NAPEPLD: variants seen among roughly 807,000 people sequenced by gnomAD.
NAPEPLD encodes N-acyl phosphatidylethanolamine phospholipase D, also known as N-acyl-phosphatidylethanolamine-hydrolyzing phospholipase D.
In NAPEPLD, 23 loss-of-function variants were observed where a neutral mutation model predicts 38.1. That is an observed-to-expected ratio of 0.60 (90% CI 0.43 to 0.86). The LOEUF is 0.86. Ranked by LOEUF, NAPEPLD falls within the 40% of genes least tolerant of loss-of-function variation. The pLI is 0.00. For synonymous variants in NAPEPLD, 147 were observed against 162.0 expected, an observed-to-expected ratio of 0.91 and a Z score of 0.71; for missense variants, 411 against 476.8, an observed-to-expected ratio of 0.86 and a Z score of 1.28.
chr7:103,122,591 C>T (rs1202363225), intron 2 of NAPEPLD, among the ~76,000 whole-genome samples: 3 of 152,154 alleles, frequency 2.0e-5, no homozygotes, highest in African/African-American at 4.8e-5. Context: ...TTAGTTTCCT[C>T]ATCTGGAAAA....
upstream of NAPEPLD, chr7:103,149,354 G>T: frequency 8.7e-7 from 1 of 1,155,892 alleles, no homozygotes; most frequent in South Asian, 1.6e-5. Flanking sequence ...CGCGCAAAGC[G>T]CCGCCGCGTA....
intron 1 of NAPEPLD, among the ~76,000 whole-genome samples, chr7:103,143,683 T>C (rs1220879045): frequency 1.3e-5 from 2 of 152,194 alleles, no homozygotes; most frequent in Non-Finnish European, 2.9e-5. Flanking sequence ...GGGCCCACCA[T>C]ACCAAGCCTG....
intron 4 of NAPEPLD, among the ~76,000 whole-genome samples, chr7:103,112,619 G>C (rs541971486): frequency 6.6e-6 from 1 of 152,100 alleles, no homozygotes; most frequent in African/African-American, 2.4e-5. Context: ...GGGGGGCTAC[G>C]GGAGGGATAG....
intron 1 of NAPEPLD, chr7:103,141,854 G>A (rs997600273): frequency 3.0e-5 from 30 of 986,700 alleles, no homozygotes; most frequent in Non-Finnish European, 4.4e-5. Flanking sequence ...GATTTCATTG[G>A]TCTCATTGGG....
rs1802164095 is a variant in NAPEPLD at position 103,099,996 on chromosome 7, C to T, written c.*3433G>A. On this transcript the variant is annotated 3_prime_UTR_variant, in exon 5 of 5. Transcript: ENST00000465647. ...TATGCAAGCAGTATTTAAGGCAAAG[C>T]TTTAAGAATACTTTAAATTTCATTT... 1 of 152,128 alleles carries T rather than the reference C, an allele frequency of 6.6e-6. No individual in the cohort carries two copies. The highest frequency in any genetic ancestry group is 2.4e-5 in the African/African-American group (1 of 41,430). The allele number at this position is 152,128 out of a possible 1,614,324, so 9.4% of individuals were successfully genotyped here. A position where few individuals can be genotyped will look rare whatever the true frequency, so the allele number is the denominator to read the frequency against.
intron 4 of NAPEPLD, among the ~76,000 whole-genome samples, chr7:103,103,910 TACTA>T (rs1322030238): frequency 6.6e-6 from 1 of 152,236 alleles, no homozygotes; most frequent in African/African-American, 2.4e-5. Context: ...AATTACATGT[TACTA>T]ACATTTTTGA....
At chr7:103,108,375 T>G (rs997138180) in intron 4 of NAPEPLD, among the ~76,000 whole-genome samples, 1 of 152,128 alleles carries the variant, frequency 6.6e-6, no homozygotes, top group Non-Finnish European at 1.5e-5. Flanking sequence ...ACTCCTGACC[T>G]CATGATCTGC....
chr7:103,116,399 A>G (rs1349494768), intron 3 of NAPEPLD, among the ~76,000 whole-genome samples: 1 of 152,156 alleles, frequency 6.6e-6, no homozygotes, highest in Non-Finnish European at 1.5e-5. Context: ...CTGGGAAATA[A>G]GTCCTGCCTC....
chr7:103,105,362 A>T (rs1256863533), intron 4 of NAPEPLD, among the ~76,000 whole-genome samples: 2 of 152,232 alleles, frequency 1.3e-5, no homozygotes, highest in African/African-American at 4.8e-5. Context: ...TAAAGGGGTC[A>T]GTTTCATGAT....
chr7:103,141,248 T>G (rs1811270722), intron 1 of NAPEPLD: 1 of 262,234 alleles, frequency 3.8e-6, no homozygotes, highest in Non-Finnish European at 7.0e-6. Context: ...TTGTTTTTTT[T>G]TTTTTTTTTT....
intron 1 of NAPEPLD, among the ~76,000 whole-genome samples, chr7:103,133,127 A>G (rs1463610769): frequency 6.6e-6 from 1 of 152,160 alleles, no homozygotes; most frequent in African/African-American, 2.4e-5. Flanking sequence ...GATGGTTCAC[A>G]GGGTCTGTGT....
chr7:103,118,424 G>C (rs1442647020), intron 3 of NAPEPLD, among the ~76,000 whole-genome samples: 2 of 151,670 alleles, frequency 1.3e-5, no homozygotes, highest in Non-Finnish European at 2.9e-5. Context: ...CTCCAAATAA[G>C]GAAACTAGCA....
rs1346055764 is a variant in NAPEPLD at position 103,129,477 on chromosome 7, A to T, written c.-16-685T>A. Among the ~76,000 whole-genome samples the T allele has an allele frequency of 2.6e-5, 4 of 152,338 alleles. 1 individual carries two copies. In the South Asian group the frequency reaches 6.2e-4, roughly 24 times the overall value. ...TAGAAAACATTATTGTTAACAATGC[A>T]TAGTAAGGACTGCTTCAGTTCCTTG... On this transcript the variant is annotated intron_variant, in intron 1 of 4. Coordinates refer to ENST00000465647, the MANE Select transcript of NAPEPLD (RefSeq NM_001122838.3).
intron 1 of NAPEPLD, chr7:103,148,198 T>G: frequency 1.4e-6 from 1 of 707,702 alleles, no homozygotes; most frequent in East Asian, 1.3e-4. Flanking sequence ...AGGAATGACT[T>G]CCTGGACAAA....
chr7:103,135,154 G>C (rs1226462044), intron 1 of NAPEPLD, among the ~76,000 whole-genome samples: 1 of 152,154 alleles, frequency 6.6e-6, no homozygotes, highest in Non-Finnish European at 1.5e-5. Context: ...TAACAACAAA[G>C]ATGCTGATGT....
intron 1 of NAPEPLD, among the ~76,000 whole-genome samples, chr7:103,131,383 C>T (rs6955436): frequency 0.9 from 137,585 of 152,156 alleles, 63,775 homozygotes; most frequent in East Asian, 1. Context: ...AAGGGCCAGG[C>T]GCAGTGGCTC....
At chr7:103,119,036 C>A (rs1321039089) in intron 3 of NAPEPLD, among the ~76,000 whole-genome samples, 2 of 152,158 alleles carry the variant, frequency 1.3e-5, no homozygotes, top group African/African-American at 4.8e-5. Flanking sequence ...GATTGGGGCA[C>A]TCAAGTTATG....
rs1802378281 is a variant in NAPEPLD at position 103,101,395 on chromosome 7, A to G, written c.*2034T>C. 1 of 152,206 alleles carries G rather than the reference A, an allele frequency of 6.6e-6. No individual in the cohort carries two copies. Among genetic ancestry groups the G allele is most frequent in the African/African-American group, 2.4e-5 (1 of 41,446 alleles). The allele number at this position is 152,206 out of a possible 1,614,324, so 9.4% of individuals were successfully genotyped here. On this transcript the variant is annotated 3_prime_UTR_variant, in exon 5 of 5. Coordinates refer to ENST00000465647, the MANE Select transcript of NAPEPLD (RefSeq NM_001122838.3). Reference sequence around the variant, plus strand: ...CTTTGTAGATAAACACTAAATTTTGATAAAGATTATTTACACTTATTTAGG... The same window carrying G: ...CTTTGTAGATAAACACTAAATTTTGGTAAAGATTATTTACACTTATTTAGG...
chr7:103,149,709 A>C (rs755496583), upstream of NAPEPLD: 21 of 249,166 alleles, frequency 8.4e-5, no homozygotes, highest in South Asian at 6.1e-4. Flanking sequence ...CTAAGATCAA[A>C]TTGGTTCCCC....
Sources: gnomAD v4.1 joint callset for allele counts (sites outside exome capture counted in the v4.1 genomes callset) on GRCh38, gnomAD v4.1.1 for gene constraint, MANE v1.5 for transcripts, NCBI Gene and HGNC (gene_info 2026-07-23, HGNC 2026-07-21) for gene names.